The following SENP1 variants were observed in gnomAD, a reference collection of about 807,000 sequenced individuals.
SENP1 encodes sentrin-specific protease 1.
A neutral mutation model predicts 93.0 loss-of-function variants in SENP1; 21 were observed. That is an observed-to-expected ratio of 0.23 (90% confidence interval 0.16 to 0.33). The LOEUF (loss-of-function observed/expected upper bound fraction) is 0.33, where lower values mean the gene tolerates loss of function less well. SENP1 is among the 10% of genes least tolerant of loss of function. The probability of loss-of-function intolerance (pLI) is 1.00; values close to 1 mark genes in which losing one functional copy is unlikely to be tolerated. For synonymous variants in SENP1, 256 were observed against 259.6 expected (o/e 0.99, Z 0.13); for missense variants, 591 against 758.7 (o/e 0.78, Z 2.60).
At chr12:48,105,535 G>A (rs546578203) in intron 1 of SENP1, 6 of 511,684 alleles carry the variant, frequency 1.2e-5, no homozygotes, top group Admixed American at 8.0e-5. Context: ...CACAGAGTAG[G>A]AGAGTTGGAG....
chr12:48,093,471 A>T (rs192696972), intron 4 of SENP1, among the ~76,000 whole-genome samples: 27 of 152,060 alleles, frequency 1.8e-4, no homozygotes, highest in African/African-American at 6.3e-4. Flanking sequence ...TTTAGTAGAG[A>T]CAGGGTTTTA....
intron 5 of SENP1, among the ~76,000 whole-genome samples, chr12:48,086,707 A>G (rs1944886277): frequency 1.3e-5 from 2 of 152,344 alleles, no homozygotes; most frequent in South Asian, 4.1e-4. Flanking sequence ...AAATCCAAAA[A>G]GTAGAACATT....
chr12:48,072,738 T>C (rs140116468), intron 8 of SENP1, among the ~76,000 whole-genome samples: 149 of 152,344 alleles, frequency 9.8e-4, no homozygotes, highest in Non-Finnish European at 1.6e-3. Context: ...GTTATAATTT[T>C]TGTTATTAGT....
Position 48,071,712 on chromosome 12 carries a change from G to A in SENP1, c.950C>T (p.Ser317Phe). 6.2e-7 allele frequency: 1 copy of A among 1,607,024 alleles called. No individual in the cohort carries two copies. Among genetic ancestry groups the A allele is most frequent in the South Asian group, 1.1e-5 (1 of 90,470 alleles). Residue 317 changes from serine (S) to phenylalanine (F), a missense_variant, in exon 9 of 18, where the codon TCT becomes TTT. Physicochemically the swap from Ser to Phe is radical, Grantham distance 155. Around this residue, in one of 4 missense-constraint regions of SENP1, gnomAD observed 238 missense variants for 259.1 expected, o/e 0.92. Coordinates refer to ENST00000549518, the MANE Select transcript of SENP1 (RefSeq NM_001267594.2). ...ASNTQSEGSDSVILLKVKDSQ... is the reference protein window; with the variant it reads ...ASNTQSEGSDFVILLKVKDSQ... ...ATCTTTCACTTTCAGTAAAATCACA[G>A]AGTCTGATCCTAAAGAAACACAAGA...
At position 48,085,158 on chromosome 12, in the gene SENP1, C is replaced by T. The variant is rs868797009; in HGVS notation, c.381-1396G>A. 11 of 1,433,634 alleles carry T rather than the reference C, an allele frequency of 7.7e-6. No individual in the cohort carries two copies. In the African/African-American group the frequency reaches 1.3e-4, roughly 16 times the overall value. 88.8% of individuals were successfully genotyped at this position (1,433,634 alleles called of 1,614,324 possible). Reference sequence around the variant, plus strand: ...CATAGGGGAGCTTAACAAGAACTGCCACCCCAATTTCCTGGTGGTGGAGAA... The same window carrying T: ...CATAGGGGAGCTTAACAAGAACTGCTACCCCAATTTCCTGGTGGTGGAGAA... On this transcript the variant is annotated intron_variant, in intron 5 of 17. Coordinates refer to ENST00000549518, the MANE Select transcript of SENP1 (RefSeq NM_001267594.2).
intron 13 of SENP1, among the ~76,000 whole-genome samples, chr12:48,060,208 T>A (rs997808007): frequency 2.0e-5 from 3 of 152,248 alleles, no homozygotes; most frequent in Non-Finnish European, 4.4e-5. Context: ...TTTTGTCTAA[T>A]TTTCTAGTTA....
intron 5 of SENP1, chr12:48,085,174 T>C: frequency 6.9e-7 from 1 of 1,446,994 alleles, no homozygotes; most frequent in Non-Finnish European, 9.7e-7. Flanking sequence ...AATTTCCTGG[T>C]GGTGGAGAAG....
chr12:48,071,138 T>G (rs552850232), intron 9 of SENP1, among the ~76,000 whole-genome samples: 38 of 152,094 alleles, frequency 2.5e-4, no homozygotes, highest in Admixed American at 1.4e-3. Context: ...GAAAAATTGT[T>G]TCAAGAACAT....
intron 12 of SENP1, among the ~76,000 whole-genome samples, chr12:48,064,192 A>C (rs1303455762): frequency 6.6e-6 from 1 of 152,238 alleles, no homozygotes; most frequent in African/African-American, 2.4e-5. Flanking sequence ...CTTCCTGAGA[A>C]ACAGAATTTT....
chr12:48,104,527 C>T (rs1372368433), intron 1 of SENP1, among the ~76,000 whole-genome samples: 2 of 152,164 alleles, frequency 1.3e-5, no homozygotes, highest in African/African-American at 4.8e-5. Context: ...AACACTCTAA[C>T]GCCGTAAACC....
chr12:48,096,460 A>ATTTT, intron 3 of SENP1, 33 bp from the exon 4 acceptor site: 4 of 1,164,908 alleles, frequency 3.4e-6, no homozygotes, highest in South Asian at 2.9e-5. Flanking sequence ...CTTAAGTCAC[A>ATTTT]TTTTTTTTTT....
chr12:48,086,677 C>T (rs1025874377), intron 5 of SENP1, among the ~76,000 whole-genome samples: 2 of 151,998 alleles, frequency 1.3e-5, no homozygotes, highest in African/African-American at 4.8e-5. Flanking sequence ...AATAATGATA[C>T]CACGAGGAAG....
chr12:48,053,480 G>GAAA (rs56951392), intron 13 of SENP1, among the ~76,000 whole-genome samples: 28 of 79,702 alleles, frequency 3.5e-4, no homozygotes, highest in African/African-American at 1.1e-3. Context: ...CCTGTCTCAG[G>GAAA]AAAAAAAAAA....
At chr12:48,086,190 T>G (rs753700349) in intron 5 of SENP1, among the ~76,000 whole-genome samples, 2 of 152,184 alleles carry the variant, frequency 1.3e-5, no homozygotes, top group African/African-American at 2.4e-5. Flanking sequence ...ACAAAAACCT[T>G]GCTTTGAAAA....
At chr12:48,105,798 G>A (rs1465379828) in intron 1 of SENP1, 2 of 588,462 alleles carry the variant, frequency 3.4e-6, no homozygotes, top group South Asian at 2.0e-5. Context: ...GAGACCAGAA[G>A]GAACGGCCTC....
chr12:48,106,065 C>T lies in SENP1; in HGVS notation c.-82G>A, dbSNP rs1305815331. 1.4e-6 allele frequency: 1 copy of T among 702,502 alleles called. No individual in the cohort carries two copies. The highest frequency in any genetic ancestry group is 2.6e-6 in the Non-Finnish European group (1 of 384,774). 43.5% of individuals were successfully genotyped at this position (702,502 alleles called of 1,614,324 possible). A position where few individuals can be genotyped will look rare whatever the true frequency, so the allele number is the denominator to read the frequency against. ...GGCTGCCATGCGAAGGGGTTTCCGG[C>T]CGGGCGCGGAACGCAAAACCCGGGA... On this transcript the variant is annotated 5_prime_UTR_variant, in exon 1 of 18. Coordinates refer to ENST00000549518, the MANE Select transcript of SENP1 (RefSeq NM_001267594.2).
intron 6 of SENP1, among the ~76,000 whole-genome samples, chr12:48,077,120 C>T (rs932775612): frequency 1.3e-5 from 2 of 152,174 alleles, no homozygotes; most frequent in Non-Finnish European, 2.9e-5. Flanking sequence ...AATGTCTTGC[C>T]TATGTTTTAA....
chr12:48,076,002 T>C (rs1163817694), intron 6 of SENP1, among the ~76,000 whole-genome samples: 1 of 152,104 alleles, frequency 6.6e-6, no homozygotes, highest in African/African-American at 2.4e-5. Context: ...GTAAGGTCCA[T>C]GTGAATCAGA....
chr12:48,105,466 A>AG, intron 1 of SENP1: 1 of 519,076 alleles, frequency 1.9e-6, no homozygotes. Context: ...CCTGAGCAGG[A>AG]GGGTCCAGAC....
Sources: gnomAD v4.1 joint callset for allele counts (sites outside exome capture counted in the v4.1 genomes callset) on GRCh38, gnomAD v4.1.1 for gene constraint, gnomAD v4.1.1 regional missense constraint, MANE v1.5 for transcripts, NCBI Gene and HGNC (gene_info 2026-07-23, HGNC 2026-07-21) for gene names.